RUBCNL: variants seen among roughly 807,000 people sequenced by gnomAD.
RUBCNL encodes rubicon like autophagy enhancer, also known as protein associated with UVRAG as autophagy enhancer.
In RUBCNL, 62 loss-of-function variants were observed where a neutral mutation model predicts 69.5. The ratio of observed to expected loss-of-function variants is 0.89; its 90% CI spans 0.73 to 1.10. The LOEUF is 1.10. Ranked by LOEUF, RUBCNL falls within the 50% of genes least tolerant of loss-of-function variation. The pLI is 0.00. For synonymous variants in RUBCNL, 291 were observed against 303.6 expected, an observed-to-expected ratio of 0.96 and a Z score of 0.43; for missense variants, 768 against 798.1, an observed-to-expected ratio of 0.96 and a Z score of 0.45.
chr13:46,389,416 T>C (rs754381314), upstream of RUBCNL, among the ~76,000 whole-genome samples: 35 of 152,056 alleles, frequency 2.3e-4, no homozygotes, highest in Non-Finnish European at 8.8e-5. The surrounding 1 kb of genome is among the most constrained non-coding windows in gnomAD (Gnocchi z 4.2). Context: ...AGGAGGAACT[T>C]AGAGAAAGAA....
At position 46,363,572 on chromosome 13, in the gene RUBCNL, G is replaced by T. The variant is rs140646330; in HGVS notation, c.827-359C>A. On this transcript the variant is annotated intron_variant, in intron 5 of 14. Coordinates refer to ENST00000429979, the MANE Select transcript of RUBCNL (RefSeq NM_025113.5). The stretch of plus-strand genomic sequence containing the variant: ...TACTATCATTTAAAAATGTAAATCT[G>T]CCAGGGGCAGGGGCGTGCACTTGTA... 3.3e-5 allele frequency among the ~76,000 whole-genome samples: 5 copies of T among 152,254 alleles called. No homozygotes were observed. In the East Asian group the frequency reaches 9.6e-4, roughly 29 times the overall value.
chr13:46,387,801 T>G, upstream of RUBCNL: 5 of 985,548 alleles, frequency 5.1e-6, no homozygotes, highest in Non-Finnish European at 4.8e-6. Context: ...CGTCACCTTG[T>G]CCTCTTGCAG....
upstream of RUBCNL, among the ~76,000 whole-genome samples, chr13:46,388,348 G>GAAGGAAGGAAAGCAAAGA (rs2049295876): frequency 6.7e-6 from 1 of 149,292 alleles, no homozygotes; most frequent in Admixed American, 6.7e-5. Flanking sequence ...AGGAAGGAAG[G>GAAGGAAGGAAAGCAAAGA]AAGGAAGGAA....
chr13:46,345,156 T>C (rs1225138729), intron 13 of RUBCNL, among the ~76,000 whole-genome samples: 1 of 152,174 alleles, frequency 6.6e-6, no homozygotes, highest in Non-Finnish European at 1.5e-5. Context: ...TCCTGTTCCA[T>C]TGAATCCTGG....
intron 2 of RUBCNL, 80 bp downstream of exon 2, chr13:46,377,810 C>T: frequency 1.3e-6 from 1 of 762,132 alleles, no homozygotes; most frequent in Non-Finnish European, 2.2e-6. Context: ...AGAATAGGCC[C>T]ATAATAGATT....
rs371218806 is a variant in RUBCNL, at chr13:46,345,006, T to C, written c.1786-175A>G. 2.0e-5 allele frequency among the ~76,000 whole-genome samples: 3 copies of C among 152,296 alleles called. No individual in the cohort carries two copies. The East Asian group carries it at 5.8e-4, about 29-fold the overall frequency. Reference sequence around the variant, plus strand: ...GTCAGAATCAAAAAAAAGATAAAAATGTACATTCAACCAATTCCATATCAA... The same window carrying C: ...GTCAGAATCAAAAAAAAGATAAAAACGTACATTCAACCAATTCCATATCAA... On this transcript the variant is annotated intron_variant, in intron 13 of 14. Coordinates refer to ENST00000429979, the MANE Select transcript of RUBCNL (RefSeq NM_025113.5).
rs768982988 is a variant in RUBCNL, at chr13:46,368,354, A to G, written c.619-105T>C. The G allele has an allele frequency of 4.5e-4, 631 of 1,417,140 alleles. 1 individual carries two copies. Among genetic ancestry groups the G allele is most frequent in the Non-Finnish European group, 5.4e-4 (573 of 1,059,110 alleles). The allele number at this position is 1,417,140 out of a possible 1,614,324, so 87.8% of individuals were successfully genotyped here. A position where few individuals can be genotyped will look rare whatever the true frequency, so the allele number is the denominator to read the frequency against. On this transcript the variant is annotated intron_variant, in intron 4 of 14. Transcript: ENST00000429979. ...TGCTCTATTTAAGTGGAATTAATGC[A>G]TATCAGTATAAATATTCATTTAACT...
Position 46,341,374 on chromosome 13 carries a change from T to A in RUBCNL, c.*2011A>T, listed in dbSNP as rs577981898. Among the ~76,000 whole-genome samples, 2 of 152,338 alleles carry A rather than the reference T, an allele frequency of 1.3e-5. No individual in the cohort carries two copies. The highest frequency in any genetic ancestry group is 3.9e-4 in the East Asian group (2 of 5,184). On this transcript the variant is annotated 3_prime_UTR_variant, in exon 15 of 15. Coordinates refer to ENST00000429979, the MANE Select transcript of RUBCNL (RefSeq NM_025113.5). ...TTACTTCCTTATGGGGTGCTCCATG[T>A]GGGCTGAAGATCACTTCCCTAACAG...
intron 12 of RUBCNL, among the ~76,000 whole-genome samples, chr13:46,346,895 A>C (rs975617566): frequency 6.6e-6 from 1 of 152,210 alleles, no homozygotes; most frequent in Non-Finnish European, 1.5e-5. Flanking sequence ...TTCATGCCTA[A>C]GTCTTTACTG....
At chr13:46,360,972 CTAGCACTTTGAGAGGCCAAGG>C in intron 8 of RUBCNL, among the ~76,000 whole-genome samples, 1 of 152,196 alleles carries the variant, frequency 6.6e-6, no homozygotes, top group African/African-American at 2.4e-5. Context: ...GCCTATAATC[CTAGCACTTTGAGAGGCCAAGG>C]TGGGCAGATC....
intron 6 of RUBCNL, among the ~76,000 whole-genome samples, 176 bp downstream of exon 6, chr13:46,362,939 G>GATATAGATATATATAT (rs1438667730): frequency 2.4e-5 from 1 of 41,504 alleles, no homozygotes; most frequent in Non-Finnish European, 3.8e-5. Flanking sequence ...TATATATATA[G>GATATAGATATATATAT]ATATATATAT....
intron 9 of RUBCNL, among the ~76,000 whole-genome samples, chr13:46,358,468 T>C (rs1038053706): frequency 3.3e-5 from 5 of 152,374 alleles, no homozygotes; most frequent in Admixed American, 6.5e-5. Context: ...GTTTATTTCC[T>C]TTTTTGCATA....
intron 9 of RUBCNL, among the ~76,000 whole-genome samples, chr13:46,357,147 C>T (rs2138725966): frequency 6.6e-6 from 1 of 151,290 alleles, no homozygotes; most frequent in South Asian, 2.1e-4. Flanking sequence ...TGGAGACCAT[C>T]CTGGCCAAAC....
chr13:46,378,952 A>G (rs75644185), intron 1 of RUBCNL, among the ~76,000 whole-genome samples: 1,835 of 152,254 alleles, frequency 0.012, 45 homozygotes, highest in African/African-American at 0.042. Flanking sequence ...CACCCTATAA[A>G]AACTGGTAAT....
At chr13:46,383,414 T>C (rs978384356) in intron 1 of RUBCNL, among the ~76,000 whole-genome samples, 2 of 152,200 alleles carry the variant, frequency 1.3e-5, no homozygotes, top group Non-Finnish European at 2.9e-5. Context: ...TACTGCCCCA[T>C]AGCCTTCTCT....
chr13:46,382,861 C>T (rs147345574), intron 1 of RUBCNL, among the ~76,000 whole-genome samples: 1 of 152,248 alleles, frequency 6.6e-6, no homozygotes, highest in East Asian at 1.9e-4. Context: ...TCAACCAGTG[C>T]TGCAAGAAGG....
chr13:46,363,683 G>A (rs1444014479), intron 5 of RUBCNL, among the ~76,000 whole-genome samples: 1 of 151,486 alleles, frequency 6.6e-6, no homozygotes, highest in Non-Finnish European at 1.5e-5. Context: ...CAGAACCCCC[G>A]TCTCTACAAA....
chr13:46,375,690 T>C lies in RUBCNL; in HGVS notation c.-123+2200A>G, dbSNP rs796808028. ...ATAATAAAAGTTCAGTAGACCAAAA[T>C]AAGGTACATATGAAAACTGTTCTTG... On this transcript the variant is annotated intron_variant, in intron 2 of 14. Transcript: ENST00000429979. Among the ~76,000 whole-genome samples, 22 of 152,280 alleles carry C rather than the reference T, an allele frequency of 1.4e-4. 1 individual carries two copies. Among genetic ancestry groups the C allele is most frequent in the African/African-American group, 5.3e-4 (22 of 41,548 alleles).
intron 9 of RUBCNL, among the ~76,000 whole-genome samples, chr13:46,358,199 A>G (rs7991323): frequency 0.4 from 61,157 of 151,990 alleles, 13,057 homozygotes; most frequent in East Asian, 0.59. Context: ...TCTCTCAAAA[A>G]AAGAAAAACA....
Sources: allele counts gnomAD v4.1 joint callset (sites outside exome capture counted in the v4.1 genomes callset), GRCh38; gene constraint gnomAD v4.1.1; non-coding constraint Gnocchi (gnomAD v3.1); transcripts MANE v1.5; gene names NCBI Gene and HGNC (gene_info 2026-07-23, HGNC 2026-07-21).